The following CIAO3 variants were observed in gnomAD, a reference collection of about 807,000 sequenced individuals.
CIAO3 encodes the protein LET1 like/JFP15.
Under a neutral mutation model 51.5 loss-of-function variants are expected in CIAO3, and 45 were observed. That is an observed-to-expected ratio of 0.87 (90% CI 0.69 to 1.12). The LOEUF is 1.12. CIAO3 is among the 50% of genes most tolerant of loss of function. The pLI is 0.00. For synonymous variants in CIAO3, 314 were observed against 269.3 expected (o/e 1.17, Z -1.63); for missense variants, 668 against 632.5 (o/e 1.06, Z -0.60).
chr16:739,537 G>T (rs1474929113), intron 2 of CIAO3, 106 bp downstream of exon 2: 3 of 1,130,754 alleles, frequency 2.7e-6, no homozygotes, highest in Non-Finnish European at 4.0e-6. Flanking sequence ...AGACTGGTGA[G>T]ACCTGGAGTG....
In CIAO3 at chr16:737,987, A is replaced by G; in HGVS notation, c.163-658T>C. The G allele has an allele frequency of 8.6e-7, 1 of 1,159,062 alleles. No homozygotes were observed. The highest frequency in any genetic ancestry group is 1.1e-6 in the Non-Finnish European group (1 of 929,320). 71.8% of individuals were successfully genotyped at this position (1,159,062 alleles called of 1,614,324 possible). A position where few individuals can be genotyped will look rare whatever the true frequency, so the allele number is the denominator to read the frequency against. ...CAGGGGTGCTGCAGTGGCCCGGAAT[A>G]CAGCCAGAGGAGTAAGGCGACTGGG... On this transcript the variant is annotated intron_variant, in intron 2 of 10. Coordinates refer to ENST00000251588, the MANE Select transcript of CIAO3 (RefSeq NM_022493.3). This position sits in a 1 kb window ranked among gnomAD's most constrained non-coding sequence, Gnocchi z 5.3.
chr16:738,271 C>G, intron 2 of CIAO3: 1 of 987,360 alleles, frequency 1.0e-6, no homozygotes, highest in Non-Finnish European at 1.2e-6. Flanking sequence ...TGGAAATCGT[C>G]TCTTGGTGCA....
intron 3 of CIAO3, 84 bp from the exon 4 acceptor site, chr16:736,482 C>T: frequency 6.4e-7 from 1 of 1,562,130 alleles, no homozygotes. Flanking sequence ...GAGATGCTGT[C>T]AGCTGTGGAG....
At position 731,639 on chromosome 16, in the gene CIAO3, C is replaced by T. The variant is rs1472988318; in HGVS notation, c.960G>A (p.Leu320=). ...GGGCCGCGTGCCGGAACACGTGCTC[C>T]AGGTAGCCCCCCGAGCCCCCTCCCC... ...SHRGGGSGGY[L]EHVFRHAARE... is the part of the protein sequence containing the mutation. The change falls in exon 9 of 11, where the codon CTG becomes CTA. Residue 320 remains leucine (L), a synonymous_variant. Transcript: ENST00000251588. 4 of 1,559,172 alleles carry T rather than the reference C, an allele frequency of 2.6e-6. No homozygotes were observed. In the South Asian group the frequency reaches 4.7e-5, roughly 18 times the overall value.
Position 737,842 on chromosome 16 carries a change from C to T in CIAO3, c.163-513G>A, listed in dbSNP as rs925880732. 3 of 1,184,854 alleles carry T rather than the reference C, an allele frequency of 2.5e-6. No individual in the cohort carries two copies. The highest frequency in any genetic ancestry group is 3.2e-6 in the Non-Finnish European group (3 of 938,632). The allele number at this position is 1,184,854 out of a possible 1,614,324, so 73.4% of individuals were successfully genotyped here. On this transcript the variant is annotated intron_variant, in intron 2 of 10. Transcript: ENST00000251588. The surrounding 1 kb of genome is among the most constrained non-coding windows in gnomAD (Gnocchi z 5.3). ...CAGACTCGCCAAACAGATGCAGGAACAAGGTGTTCCAGTCGGGGGCCTCCG... is the reference window on the plus strand; with the variant it reads ...CAGACTCGCCAAACAGATGCAGGAATAAGGTGTTCCAGTCGGGGGCCTCCG...
chr16:734,650 C>G (rs571570799), intron 5 of CIAO3, 87 bp downstream of exon 5: 12 of 1,606,570 alleles, frequency 7.5e-6, no homozygotes, highest in Middle Eastern at 1.7e-4. Flanking sequence ...ACCCCCCATG[C>G]CCCCGCCTTG....
Position 731,016 on chromosome 16 carries a change from G to C in CIAO3, c.1035-16C>G. The C allele has an allele frequency of 6.2e-7, 1 of 1,612,124 alleles. No individual in the cohort carries two copies. Among genetic ancestry groups the C allele is most frequent in the Non-Finnish European group, 8.5e-7 (1 of 1,179,646 alleles). ...GTCTTTGTTCCTGGGGGGCACAGGC[G>C]GGGTTTGTCTACATGGCACACCCAC... is the stretch of plus-strand genomic sequence containing the variant. On this transcript the variant is annotated splice_polypyrimidine_tract_variant and intron_variant, in intron 9 of 10. Transcript: ENST00000251588.
chr16:736,441 T>A (rs757766979), intron 3 of CIAO3, 43 bp from the exon 4 acceptor site: 1 of 1,609,230 alleles, frequency 6.2e-7, no homozygotes, highest in Non-Finnish European at 8.5e-7. Context: ...GCTGGCCTTA[T>A]GCTGATTCCT....
chr16:731,295 C>A (rs1039683436), intron 9 of CIAO3: 9 of 609,154 alleles, frequency 1.5e-5, no homozygotes, highest in Non-Finnish European at 2.2e-5. Flanking sequence ...GTGCCTGCGC[C>A]AGGCACCCAT....
In CIAO3 at chr16:737,867, G is replaced by C. The variant is rs978604633; in HGVS notation, c.163-538C>G. The C allele has an allele frequency of 1.7e-6, 2 of 1,182,990 alleles. No homozygotes were observed. Among genetic ancestry groups the C allele is most frequent in the Non-Finnish European group, 2.1e-6 (2 of 938,624 alleles). The allele number at this position is 1,182,990 out of a possible 1,614,324, so 73.3% of individuals were successfully genotyped here. A position where few individuals can be genotyped will look rare whatever the true frequency, so the allele number is the denominator to read the frequency against. ...CAAGGTGTTCCAGTCGGGGGCCTCC[G>C]GGACATGCCTCAGCAACTTTTCTTA... On this transcript the variant is annotated intron_variant, in intron 2 of 10. Coordinates refer to ENST00000251588, the MANE Select transcript of CIAO3 (RefSeq NM_022493.3). The surrounding 1 kb of genome is among the most constrained non-coding windows in gnomAD (Gnocchi z 5.3).
chr16:736,468 C>G, intron 3 of CIAO3, 70 bp from the exon 4 acceptor site: 1 of 1,589,922 alleles, frequency 6.3e-7, no homozygotes, highest in East Asian at 2.2e-5. Flanking sequence ...CAGAGCCGCA[C>G]GGTGAGATGC....
chr16:737,326 C>A lies in CIAO3; in HGVS notation c.166G>T (p.Gly56Cys), dbSNP rs755220496. 6.2e-7 allele frequency: 1 copy of A among 1,612,996 alleles called. No homozygotes were observed. Among genetic ancestry groups the A allele is most frequent in the South Asian group, 1.1e-5 (1 of 91,082 alleles). ...GCCTTCTCCAGCCTCCGGGTCCCGC[C>A]GTCCTACAAGGGAGAAGAACCCGGT... ...DGSYFQINQDGGTRRLEKAKV... is the reference protein window; with the variant it reads ...DGSYFQINQDCGTRRLEKAKV... The change falls in exon 3 of 11, where the codon GGC becomes TGC. Residue 56 changes from glycine (G) to cysteine (C), a missense_variant. Transcript: ENST00000251588. This position sits in a 1 kb window ranked among gnomAD's most constrained non-coding sequence, Gnocchi z 5.3.
At chr16:731,033 C>T (rs1205557106) in intron 9 of CIAO3, 33 bp from the exon 10 acceptor site, 2 of 1,609,066 alleles carry the variant, frequency 1.2e-6, no homozygotes, top group East Asian at 2.2e-5. Context: ...GTCTACATGG[C>T]ACACCCACCA....
At chr16:732,224 C>T in intron 8 of CIAO3, 77 bp downstream of exon 8, 1 of 1,470,508 alleles carries the variant, frequency 6.8e-7, no homozygotes, top group Middle Eastern at 2.0e-4. Context: ...GGGAGGCAAG[C>T]CCAGAGCAGG....
rs748572435 is a variant in CIAO3, at chr16:737,887, T to G, written c.163-558A>C. On this transcript the variant is annotated intron_variant, in intron 2 of 10. Coordinates refer to ENST00000251588, the MANE Select transcript of CIAO3 (RefSeq NM_022493.3). This position sits in a 1 kb window ranked among gnomAD's most constrained non-coding sequence, Gnocchi z 5.3. ...CCTCCGGGACATGCCTCAGCAACTT[T>G]TCTTACATGCAAAACGCACCCAGCT... 42 of 1,181,096 alleles carry G rather than the reference T, an allele frequency of 3.6e-5. 2 individuals carry two copies. The highest frequency in any genetic ancestry group is 3.1e-4 in the South Asian group (20 of 63,510). The allele number at this position is 1,181,096 out of a possible 1,614,324, so 73.2% of individuals were successfully genotyped here.
chr16:738,762 C>T (rs1427039767), intron 2 of CIAO3, among the ~76,000 whole-genome samples: 4 of 151,600 alleles, frequency 2.6e-5, no homozygotes. Context: ...ATTCTCCTGC[C>T]TCACCCTCTT....
At chr16:736,581 C>T (rs570984513) in intron 3 of CIAO3, among the ~76,000 whole-genome samples, 183 bp from the exon 4 acceptor site, 3 of 151,752 alleles carry the variant, frequency 2.0e-5, no homozygotes, top group Non-Finnish European at 2.9e-5. Context: ...GTGGTGCGAT[C>T]GGAGCTCACT....
At chr16:738,651 CCA>C (rs2041363092) in intron 2 of CIAO3, among the ~76,000 whole-genome samples, 2 of 150,294 alleles carry the variant, frequency 1.3e-5, no homozygotes, top group African/African-American at 2.5e-5. Flanking sequence ...CGCGCCAGGC[CCA>C]GTTTCTTTAT....
intron 7 of CIAO3, chr16:732,579 C>T (rs1389198655): frequency 1.5e-6 from 1 of 672,378 alleles, no homozygotes; most frequent in Non-Finnish European, 2.7e-6. Flanking sequence ...GGGAGGTGTG[C>T]CAGCGGCCAG....
Sources: allele counts gnomAD v4.1 joint callset (sites outside exome capture counted in the v4.1 genomes callset), GRCh38; gene constraint gnomAD v4.1.1; non-coding constraint Gnocchi (gnomAD v3.1); transcripts MANE v1.5; gene names NCBI Gene and HGNC (gene_info 2026-07-23, HGNC 2026-07-21).